The following FAM76A variants were observed in gnomAD, a reference collection of about 807,000 sequenced individuals.
The protein encoded by FAM76A is protein FAM76A.
In FAM76A, 32 loss-of-function variants were observed where a neutral mutation model predicts 46.2. The observed-to-expected ratio is 0.69, with a 90% CI of 0.52 to 0.93. The LOEUF is 0.93. FAM76A is among the 40% of genes least tolerant of loss of function. The probability of loss-of-function intolerance (pLI) is 0.00; values close to 1 mark genes in which losing one functional copy is unlikely to be tolerated. For synonymous variants in FAM76A, 137 were observed against 127.0 expected, an observed-to-expected ratio of 1.08 and a Z score of -0.53; for missense variants, 274 against 361.5, an observed-to-expected ratio of 0.76 and a Z score of 1.96.
chr1:27,762,357 T>G lies in FAM76A; in HGVS notation c.*1776T>G, dbSNP rs1006148498. 1.3e-5 allele frequency: 2 copies of G among 152,098 alleles called. No individual in the cohort carries two copies. The highest frequency in any genetic ancestry group is 2.9e-5 in the Non-Finnish European group (2 of 67,996). The allele number at this position is 152,098 out of a possible 1,614,324, so 9.4% of individuals were successfully genotyped here. A position where few individuals can be genotyped will look rare whatever the true frequency, so the allele number is the denominator to read the frequency against. On this transcript the variant is annotated 3_prime_UTR_variant, in exon 9 of 9. Transcript: ENST00000373954. ...ACAAAACCAACTACCCTAGAATCATTTATGCAGGGGGTACTAGAGTTAGAA... is the reference window on the plus strand; with the variant it reads ...ACAAAACCAACTACCCTAGAATCATGTATGCAGGGGGTACTAGAGTTAGAA...
At chr1:27,728,220 A>T (rs937487158) in intron 2 of FAM76A, among the ~76,000 whole-genome samples, 3 of 152,248 alleles carry the variant, frequency 2.0e-5, no homozygotes, top group Non-Finnish European at 2.9e-5. Flanking sequence ...CTCATGTTTC[A>T]ATATGTACAT....
chr1:27,750,617 A>G (rs1299014145), intron 6 of FAM76A, among the ~76,000 whole-genome samples: 4 of 152,234 alleles, frequency 2.6e-5, no homozygotes, highest in Non-Finnish European at 5.9e-5. Context: ...TGTTTGAATG[A>G]CCTGGAAAAA....
chr1:27,744,901 A>C, intron 5 of FAM76A, 90 bp downstream of exon 5: 4 of 1,271,076 alleles, frequency 3.1e-6, no homozygotes, highest in Non-Finnish European at 4.4e-6. Context: ...CTACCATCTC[A>C]TATACATTTT....
At chr1:27,759,453 T>A in intron 7 of FAM76A, 73 bp from the exon 8 acceptor site, 1 of 995,858 alleles carries the variant, frequency 1.0e-6, no homozygotes, top group Non-Finnish European at 1.5e-6. Flanking sequence ...TGGGTGACCA[T>A]TTAGCTCTCT....
intron 7 of FAM76A, among the ~76,000 whole-genome samples, chr1:27,755,686 A>G (rs1171343900): frequency 6.6e-6 from 1 of 152,164 alleles, no homozygotes. Flanking sequence ...CAATCCTCCC[A>G]TCTCAGCCCA....
chr1:27,749,182 C>T, intron 6 of FAM76A, 28 bp downstream of exon 6: 1 of 1,499,476 alleles, frequency 6.7e-7, no homozygotes, highest in South Asian at 1.2e-5. Context: ...TGTGTGCGCA[C>T]ACATTTGAAA....
At chr1:27,737,868 C>CAAAAAAA (rs71571865) in intron 4 of FAM76A, among the ~76,000 whole-genome samples, 41 of 62,494 alleles carry the variant, frequency 6.6e-4, no homozygotes, top group Non-Finnish European at 9.6e-4. Context: ...ACAACAACAA[C>CAAAAAAA]AAAAAAAAAA....
intron 4 of FAM76A, among the ~76,000 whole-genome samples, chr1:27,737,867 A>AAAAAAAAAAAAAAAAAAAAAAAAAAAG (rs2088077473): frequency 1.1e-5 from 1 of 90,468 alleles, no homozygotes; most frequent in African/African-American, 5.0e-5. Flanking sequence ...AACAACAACA[A>AAAAAAAAAAAAAAAAAAAAAAAAAAAG]CAAAAAAAAA....
At chr1:27,732,383 G>A (rs1410391379) in intron 2 of FAM76A, among the ~76,000 whole-genome samples, 1 of 152,116 alleles carries the variant, frequency 6.6e-6, no homozygotes, top group Non-Finnish European at 1.5e-5. Context: ...TGAGCAGATT[G>A]CACCACTGCA....
At chr1:27,728,712 A>C (rs530825814) in intron 2 of FAM76A, among the ~76,000 whole-genome samples, 1 of 152,292 alleles carries the variant, frequency 6.6e-6, no homozygotes, top group East Asian at 1.9e-4. Flanking sequence ...CTGTAAACCC[A>C]ACACTTTGGG....
intron 7 of FAM76A, 55 bp from the exon 8 acceptor site, chr1:27,759,471 A>AT (rs895743783): frequency 1.9e-3 from 2,405 of 1,272,788 alleles, no homozygotes; most frequent in Non-Finnish European, 2.2e-3. Flanking sequence ...TCTGAAAGCA[A>AT]TTTTTTTTTA....
intron 2 of FAM76A, among the ~76,000 whole-genome samples, chr1:27,729,954 C>G (rs1030269706): frequency 6.6e-6 from 1 of 152,142 alleles, no homozygotes; most frequent in Non-Finnish European, 1.5e-5. Flanking sequence ...AACCCCTGTT[C>G]TACTTTTCAT....
intron 4 of FAM76A, chr1:27,739,427 C>A: frequency 2.0e-6 from 1 of 501,942 alleles, no homozygotes. Context: ...AAATGTTTTT[C>A]TCTAAGGATT....
At chr1:27,757,831 G>C (rs935964888) in intron 7 of FAM76A, among the ~76,000 whole-genome samples, 1 of 152,128 alleles carries the variant, frequency 6.6e-6, no homozygotes, top group Middle Eastern at 3.2e-3. Context: ...AAAAAAATTA[G>C]CTGGGCGTGG....
intron 4 of FAM76A, among the ~76,000 whole-genome samples, chr1:27,741,088 C>T (rs1445864875): frequency 6.6e-6 from 1 of 150,850 alleles, no homozygotes; most frequent in East Asian, 1.9e-4. Flanking sequence ...GCCGAGATCA[C>T]GCCATTGCAC....
At position 27,755,243 on chromosome 1, in the gene FAM76A, C is replaced by T. The variant is rs1290776390; in HGVS notation, c.648C>T (p.Val216=). The T allele has an allele frequency of 6.2e-7, 1 of 1,614,148 alleles. No individual in the cohort carries two copies. The highest frequency in any genetic ancestry group is 2.2e-5 in the East Asian group (1 of 44,886). Residue 216 remains valine, a synonymous_variant, in exon 7 of 9, where the codon GTC becomes GTT. Transcript: ENST00000373954. The part of the protein sequence containing the change: ...ALDSPGTDHF[V]IIAQLKEEVA... ...ACTCACCAGGCACTGACCACTTTGTCATCATTGCCCAACTGAAGGAAGAAG... is the reference window on the plus strand; with the variant it reads ...ACTCACCAGGCACTGACCACTTTGTTATCATTGCCCAACTGAAGGAAGAAG...
At chr1:27,758,073 C>G (rs2088444799) in intron 7 of FAM76A, among the ~76,000 whole-genome samples, 1 of 152,048 alleles carries the variant, frequency 6.6e-6, no homozygotes, top group South Asian at 2.1e-4. Flanking sequence ...TTCTGATCTC[C>G]CCTGGCTCTT....
intron 1 of FAM76A, 152 bp from the exon 2 acceptor site, chr1:27,727,320 G>T: frequency 1.6e-6 from 1 of 639,940 alleles, no homozygotes. Context: ...AGTGATGCCA[G>T]TATTACAGAG....
At chr1:27,751,282 T>G (rs1367481843) in intron 6 of FAM76A, among the ~76,000 whole-genome samples, 4 of 152,250 alleles carry the variant, frequency 2.6e-5, no homozygotes, top group African/African-American at 9.6e-5. Flanking sequence ...TTTAAAATGT[T>G]CCTGCATTAG....
Sources: allele counts gnomAD v4.1 joint callset (sites outside exome capture counted in the v4.1 genomes callset), GRCh38; gene constraint gnomAD v4.1.1; transcripts MANE v1.5; gene names NCBI Gene and HGNC (gene_info 2026-07-23, HGNC 2026-07-21).